RGS6: variants seen among roughly 807,000 people sequenced by gnomAD.
RGS6 encodes regulator of G-protein signaling 6.
In RGS6, 30 loss-of-function variants were observed where a neutral mutation model predicts 78.5. The observed-to-expected ratio is 0.38, with a 90% CI of 0.29 to 0.52. The LOEUF (loss-of-function observed/expected upper bound fraction) is 0.52, where lower values mean the gene tolerates loss of function less well. Ranked by LOEUF, RGS6 falls within the 20% of genes least tolerant of loss-of-function variation. RGS6 has a pLI of 0.85. For missense variants in RGS6, 495 were observed against 609.7 expected (o/e 0.81, Z 1.98); for synonymous variants, 206 against 206.0 (o/e 1.00, Z 0.00).
At chr14:71,868,036 A>G in the RGS6 span, among the ~76,000 whole-genome samples, 1 of 152,214 alleles carries the variant, frequency 6.6e-6, no homozygotes, top group Non-Finnish European at 1.5e-5. Context: ...AAAACAGAAA[A>G]GTAGTTACAA....
intron 2 of RGS6, among the ~76,000 whole-genome samples, chr14:72,146,268 C>T (rs1368295425): frequency 1.3e-5 from 2 of 152,210 alleles, no homozygotes; most frequent in African/African-American, 4.8e-5. Flanking sequence ...TACCTCTCAA[C>T]ACTCTTGCAT....
chr14:72,383,209 T>C (rs988752849), intron 3 of RGS6, among the ~76,000 whole-genome samples: 24 of 125,670 alleles, frequency 1.9e-4, no homozygotes, highest in African/African-American at 6.3e-4. Context: ...TATATATATA[T>C]ATATACACAC....
Position 72,388,210 on chromosome 14 carries a change from A to G in RGS6, c.184+36016A>G, listed in dbSNP as rs1424032448. ...TTTCTGCCAGGAGCAGGTATTTTAT[A>G]ATTTAAAGTATACATATGGGAAAAC... On this transcript the variant is annotated intron_variant, in intron 3 of 17. Transcript: ENST00000553525. Among the ~76,000 whole-genome samples, 3 of 152,192 alleles carry G rather than the reference A, an allele frequency of 2.0e-5. No individual in the cohort carries two copies. In the South Asian group the frequency reaches 6.2e-4, roughly 32 times the overall value.
chr14:72,074,365 T>G (rs2094505613), intron 2 of RGS6, among the ~76,000 whole-genome samples: 1 of 152,062 alleles, frequency 6.6e-6, no homozygotes, highest in Non-Finnish European at 1.5e-5. Context: ...CTAGCTGATT[T>G]TTTGTAGGGG....
intron 2 of RGS6, among the ~76,000 whole-genome samples, chr14:72,077,109 T>C (rs2094605273): frequency 6.6e-6 from 1 of 151,866 alleles, no homozygotes; most frequent in African/African-American, 2.4e-5. Flanking sequence ...TTGCCAACAC[T>C]GGTTATTTAT....
chr14:72,342,813 AGCATTGAAAATGGCGTGGAG>A, intron 2 of RGS6, among the ~76,000 whole-genome samples: 1 of 151,742 alleles, frequency 6.6e-6, no homozygotes, highest in East Asian at 1.9e-4. Flanking sequence ...AAAAAAATGC[AGCATTGAAAATGGCGTGGAG>A]GCAATGACTT....
At position 72,402,054 on chromosome 14, in the gene RGS6, A is replaced by G. The variant is rs553357844; in HGVS notation, c.184+49860A>G. 8.1e-4 allele frequency among the ~76,000 whole-genome samples: 124 copies of G among 152,352 alleles called. 1 individual carries two copies. Among genetic ancestry groups the G allele is most frequent in the African/African-American group, 2.5e-3 (102 of 41,586 alleles). On this transcript the variant is annotated intron_variant, in intron 3 of 17. Coordinates refer to ENST00000553525, the MANE Select transcript of RGS6 (RefSeq NM_001204424.2). The stretch of plus-strand genomic sequence containing the variant: ...CCCATAGCAGAAGTGGTGGCTCTCA[A>G]TGGTGGAGCCCAGCCAATCCGTGGG...
At position 71,985,794 on chromosome 14, in the gene RGS6, C is replaced by T. The variant is rs141320600; in HGVS notation, c.84+20919C>T. 2.9e-3 allele frequency among the ~76,000 whole-genome samples: 440 copies of T among 152,258 alleles called. 1 individual carries two copies. Among genetic ancestry groups the T allele is most frequent in the Non-Finnish European group, 5.2e-3 (351 of 68,022 alleles). ...ATGCCTGGGGATATTCAGAAATTTTCGACTTGGAACCCTTCCAAGACATTT... is the reference window on the plus strand; with the variant it reads ...ATGCCTGGGGATATTCAGAAATTTTTGACTTGGAACCCTTCCAAGACATTT... On this transcript the variant is annotated intron_variant, in intron 2 of 17. Coordinates refer to ENST00000553525, the MANE Select transcript of RGS6 (RefSeq NM_001204424.2).
chr14:72,438,909 C>T (rs1489245948), intron 3 of RGS6, among the ~76,000 whole-genome samples: 1 of 152,240 alleles, frequency 6.6e-6, no homozygotes, highest in Non-Finnish European at 1.5e-5. Context: ...TGTGGCCAAC[C>T]TCCAGGCGTA....
At chr14:72,098,230 AC>A (rs1269678460) in intron 2 of RGS6, among the ~76,000 whole-genome samples, 1 of 151,986 alleles carries the variant, frequency 6.6e-6, no homozygotes, top group African/African-American at 2.4e-5. Flanking sequence ...TCCTCTTTGA[AC>A]CCTCTGGACC....
chr14:72,193,492 G>A (rs193546), intron 2 of RGS6, among the ~76,000 whole-genome samples: 114,438 of 152,138 alleles, frequency 0.75, 43,373 homozygotes, highest in East Asian at 0.91. Context: ...GAGCCCCAGT[G>A]TGTGCCGGGT....
intron 2 of RGS6, among the ~76,000 whole-genome samples, chr14:72,284,734 G>C (rs538945908): frequency 6.6e-6 from 1 of 152,312 alleles, no homozygotes; most frequent in African/African-American, 2.4e-5. Flanking sequence ...CCAGACCCCA[G>C]AATGGTAGAT....
At chr14:72,244,200 G>A (rs1253589040) in intron 2 of RGS6, among the ~76,000 whole-genome samples, 1 of 151,844 alleles carries the variant, frequency 6.6e-6, no homozygotes, top group Non-Finnish European at 1.5e-5. Context: ...AAAGTTATCA[G>A]TCAGACCTCT....
At chr14:72,075,828 G>A (rs571384302) in intron 2 of RGS6, among the ~76,000 whole-genome samples, 66 of 152,308 alleles carry the variant, frequency 4.3e-4, no homozygotes, top group Middle Eastern at 3.4e-3. Context: ...GGCAGTGTCA[G>A]TGTTGGAAAT....
At chr14:71,927,495 G>A (rs149704446), upstream of RGS6, among the ~76,000 whole-genome samples, 221 of 152,210 alleles carry the variant, frequency 1.5e-3, no homozygotes, top group Middle Eastern at 0.01. Flanking sequence ...GTCTCCTTGA[G>A]ATGGGGATTA....
intron 2 of RGS6, among the ~76,000 whole-genome samples, chr14:72,020,235 G>A (rs1207902408): frequency 2.6e-5 from 4 of 152,164 alleles, no homozygotes; most frequent in African/African-American, 9.7e-5. Flanking sequence ...GCCAGAATCT[G>A]GATTTCCAAA....
In RGS6 at chr14:72,371,356, A is replaced by T. The variant is rs544465642; in HGVS notation, c.184+19162A>T. Reference sequence around the variant, plus strand: ...TTGTTTGATTTTTTTCTCCTGGAAGAAAAAATGCTAAGTGGAATGAAGGAA... The same window carrying T: ...TTGTTTGATTTTTTTCTCCTGGAAGTAAAAATGCTAAGTGGAATGAAGGAA... On this transcript the variant is annotated intron_variant, in intron 3 of 17. Transcript: ENST00000553525. Among the ~76,000 whole-genome samples the T allele has an allele frequency of 2.4e-3, 359 of 152,286 alleles. 4 individuals are homozygous for T. Among genetic ancestry groups the T allele is most frequent in the Middle Eastern group, 0.01 (3 of 294 alleles).
intron 6 of RGS6, among the ~76,000 whole-genome samples, chr14:72,461,971 A>G (rs2095793961): frequency 6.6e-6 from 1 of 152,132 alleles, no homozygotes; most frequent in Non-Finnish European, 1.5e-5. Flanking sequence ...TGGTATCACT[A>G]CTGGGGTGGG....
chr14:72,547,520 T>C (rs551162769), intron 17 of RGS6, among the ~76,000 whole-genome samples: 3 of 152,276 alleles, frequency 2.0e-5, no homozygotes, highest in South Asian at 4.1e-4. Context: ...CCAGGATACC[T>C]GTCCATAGGT....
Sources: gnomAD v4.1 joint callset for allele counts (sites outside exome capture counted in the v4.1 genomes callset) on GRCh38, gnomAD v4.1.1 for gene constraint, MANE v1.5 for transcripts, NCBI Gene and HGNC (gene_info 2026-07-23, HGNC 2026-07-21) for gene names.